The following PTPRD variants were observed in gnomAD, a reference collection of about 807,000 sequenced individuals.
PTPRD encodes the protein receptor-type tyrosine-protein phosphatase delta.
A neutral mutation model predicts 214.5 loss-of-function variants in PTPRD; 34 were observed. That is an observed-to-expected ratio of 0.16 (90% CI 0.12 to 0.21). The LOEUF (loss-of-function observed/expected upper bound fraction) is 0.21. Among genes scored for constraint, PTPRD ranks in the 10% least tolerant of loss-of-function variants. The pLI, the probability that PTPRD is intolerant of heterozygous loss-of-function variation, is 1.00. For synonymous variants in PTPRD, 1,128 were observed against 845.7 expected, an observed-to-expected ratio of 1.33 and a Z score of -5.79; for missense variants, 2,545 against 2,398.7, an observed-to-expected ratio of 1.06 and a Z score of -1.27.
chr9:9,788,050 C>T (rs1435118010), intron 5 of PTPRD, among the ~76,000 whole-genome samples: 1 of 151,386 alleles, frequency 6.6e-6, no homozygotes, highest in African/African-American at 2.4e-5. Flanking sequence ...TCCCAAAGTG[C>T]TGGGATTACA....
At chr9:9,218,600 T>C (rs2099953816) in intron 9 of PTPRD, among the ~76,000 whole-genome samples, 1 of 152,116 alleles carries the variant, frequency 6.6e-6, no homozygotes, top group Non-Finnish European at 1.5e-5. Flanking sequence ...AGTCCTTTGG[T>C]AACATATATA....
chr9:9,373,139 G>C (rs2059961778), intron 9 of PTPRD, among the ~76,000 whole-genome samples: 1 of 151,958 alleles, frequency 6.6e-6, no homozygotes, highest in Admixed American at 6.6e-5. Context: ...AGTTTTCACA[G>C]AGGCTGTATA....
At chr9:10,443,983 G>T (rs571594328) in intron 2 of PTPRD, among the ~76,000 whole-genome samples, 1 of 151,472 alleles carries the variant, frequency 6.6e-6, no homozygotes, top group South Asian at 2.1e-4. Context: ...ACTGAGTGCT[G>T]ATTGTGGCTT....
At chr9:8,336,009 A>G (rs1467925903) in intron 43 of PTPRD, among the ~76,000 whole-genome samples, 1 of 152,072 alleles carries the variant, frequency 6.6e-6, no homozygotes, top group African/African-American at 2.4e-5. Context: ...GGAAGAATCA[A>G]TATCGTGAAA....
chr9:9,583,921 G>T (rs582218), intron 7 of PTPRD, among the ~76,000 whole-genome samples: 2 of 151,692 alleles, frequency 1.3e-5, no homozygotes, highest in Non-Finnish European at 2.9e-5. Flanking sequence ...TAATCAAGCC[G>T]TGAAACTATC....
intron 3 of PTPRD, among the ~76,000 whole-genome samples, chr9:10,185,327 C>T (rs943908392): frequency 5.3e-5 from 8 of 152,226 alleles, no homozygotes; most frequent in Non-Finnish European, 8.8e-5. Flanking sequence ...GCAATAATTT[C>T]GATGATACTT....
chr9:10,341,748 G>C (rs576026125), intron 2 of PTPRD, among the ~76,000 whole-genome samples: 1 of 152,018 alleles, frequency 6.6e-6, no homozygotes, highest in East Asian at 1.9e-4. Flanking sequence ...TAGCAATTTG[G>C]TCTTCTTTTC....
At chr9:8,322,342 C>G (rs1319495100) in intron 44 of PTPRD, among the ~76,000 whole-genome samples, 3 of 152,114 alleles carry the variant, frequency 2.0e-5, no homozygotes, top group Non-Finnish European at 4.4e-5. Context: ...GCCTCTCGCA[C>G]CAAACAGCCT....
rs181160821 is a variant in PTPRD at position 8,526,917 on chromosome 9, T to C, written c.551-273A>G. Among the ~76,000 whole-genome samples the C allele has an allele frequency of 4.6e-5, 7 of 152,024 alleles. No individual in the cohort carries two copies. The East Asian group carries it at 9.7e-4, about 21-fold the overall frequency. On this transcript the variant is annotated intron_variant, in intron 16 of 45. Coordinates refer to ENST00000381196, the MANE Select transcript of PTPRD (RefSeq NM_002839.4). ...AGCAACTGAGTTTTCAGGTCTGGGGTCATATAGGGTTAGAATTATATCTTA... is the reference window on the plus strand; with the variant it reads ...AGCAACTGAGTTTTCAGGTCTGGGGCCATATAGGGTTAGAATTATATCTTA...
chr9:9,786,995 T>C (rs1302060463), intron 5 of PTPRD, among the ~76,000 whole-genome samples: 1 of 151,848 alleles, frequency 6.6e-6, no homozygotes, highest in Non-Finnish European at 1.5e-5. Flanking sequence ...AAAATTAGCT[T>C]GTGTGGTGGT....
intron 2 of PTPRD, among the ~76,000 whole-genome samples, chr9:10,560,126 C>T (rs780944381): frequency 7.2e-5 from 11 of 152,104 alleles, no homozygotes; most frequent in Non-Finnish European, 1.2e-4. Context: ...TATCGCGGCA[C>T]TATTCACAAT....
At chr9:9,061,155 T>G (rs1397402512) in intron 10 of PTPRD, among the ~76,000 whole-genome samples, 1 of 152,176 alleles carries the variant, frequency 6.6e-6, no homozygotes, top group Non-Finnish European at 1.5e-5. Flanking sequence ...GTACCGGCTA[T>G]TTTCATCATG....
At chr9:9,862,860 G>C (rs1179871275) in intron 5 of PTPRD, among the ~76,000 whole-genome samples, 2 of 151,982 alleles carry the variant, frequency 1.3e-5, no homozygotes, top group Admixed American at 6.5e-5. Flanking sequence ...TCTATTTCAG[G>C]TTTTCTTGTG....
At chr9:10,167,342 C>T (rs530452699) in intron 3 of PTPRD, among the ~76,000 whole-genome samples, 2 of 152,120 alleles carry the variant, frequency 1.3e-5, no homozygotes, top group African/African-American at 4.8e-5. Flanking sequence ...AATAAATTAT[C>T]AGTAGGTTAA....
chr9:8,910,173 G>C (rs1301689675), intron 11 of PTPRD, among the ~76,000 whole-genome samples: 1 of 151,916 alleles, frequency 6.6e-6, no homozygotes, highest in Non-Finnish European at 1.5e-5. Flanking sequence ...CGAGTAGCTG[G>C]GACTACAGGC....
intron 30 of PTPRD, among the ~76,000 whole-genome samples, chr9:8,483,794 AC>A (rs2096940164): frequency 1.4e-5 from 2 of 140,118 alleles, no homozygotes; most frequent in Admixed American, 7.3e-5. Flanking sequence ...AAAAACAAAA[AC>A]AAAAACAAAA....
intron 2 of PTPRD, among the ~76,000 whole-genome samples, chr9:10,442,274 G>A (rs1252573531): frequency 6.6e-6 from 1 of 151,564 alleles, no homozygotes; most frequent in Admixed American, 6.6e-5. Context: ...TTTGGTATGA[G>A]AACAAATCTG....
intron 7 of PTPRD, among the ~76,000 whole-genome samples, chr9:9,658,219 T>C (rs1208740705): frequency 6.6e-6 from 1 of 152,110 alleles, no homozygotes; most frequent in Non-Finnish European, 1.5e-5. Flanking sequence ...AAAACTCTGA[T>C]GGTAAAATCA....
intron 11 of PTPRD, among the ~76,000 whole-genome samples, chr9:8,925,855 AAT>A (rs1491587732): frequency 4.5e-5 from 4 of 89,650 alleles, no homozygotes; most frequent in East Asian, 3.2e-4. Flanking sequence ...GGACTATTGC[AAT>A]ATTTTTTTTT....
Sources: allele counts gnomAD v4.1 joint callset (sites outside exome capture counted in the v4.1 genomes callset), GRCh38; gene constraint gnomAD v4.1.1; transcripts MANE v1.5; gene names NCBI Gene and HGNC (gene_info 2026-07-23, HGNC 2026-07-21).